The following DGCR8 variants were observed in gnomAD, a reference collection of about 807,000 sequenced individuals.
DGCR8 encodes microprocessor complex subunit DGCR8.
In DGCR8, 14 loss-of-function variants were observed where a neutral mutation model predicts 78.5. The ratio of observed to expected loss-of-function variants is 0.18; its 90% confidence interval spans 0.12 to 0.28. The LOEUF is 0.28. DGCR8 is among the 10% of genes least tolerant of loss of function. The probability of loss-of-function intolerance (pLI) is 1.00; values close to 1 mark genes in which losing one functional copy is unlikely to be tolerated. For synonymous variants in DGCR8, 399 were observed against 402.4 expected (o/e 0.99, Z 0.10); for missense variants, 702 against 1,022.5 (o/e 0.69, Z 4.28).
chr22:20,089,662 T>G lies in DGCR8; in HGVS notation c.881-7T>G. 1 of 1,613,828 alleles carries G rather than the reference T, an allele frequency of 6.2e-7. No individual in the cohort carries two copies. Among genetic ancestry groups the G allele is most frequent in the African/African-American group, 1.3e-5 (1 of 75,012 alleles). On this transcript the variant is annotated splice_polypyrimidine_tract_variant and splice_region_variant and intron_variant, in intron 3 of 13. Transcript: ENST00000351989. The surrounding 1 kb of genome is among the most constrained non-coding windows in gnomAD (Gnocchi z 4.9). ...TGATTATAGGATGTTCTTGTCTTCC[T>G]GTGCAGGTCGTGGCCGCCCACCTAC...
intron 9 of DGCR8, chr22:20,102,211 A>C: frequency 2.8e-6 from 1 of 361,736 alleles, no homozygotes; most frequent in South Asian, 1.1e-4. Flanking sequence ...ATTTCTGTAC[A>C]TTCCAACATT....
chr22:20,106,637 T>C lies in DGCR8; in HGVS notation c.1935T>C (p.Pro645=). 6.2e-7 allele frequency: 1 copy of C among 1,614,042 alleles called. No individual in the cohort carries two copies. The highest frequency in any genetic ancestry group is 8.5e-7 in the Non-Finnish European group (1 of 1,179,890). The part of the protein sequence containing the change: ...GDTSIKFEVV[P]GKNQKSEYVM... ...CGTCTATCAAGTTTGAAGTGGTTCC[T>C]GGGAAAAACCAGAAGAGTGAATACG... The change falls in exon 11 of 14, where the codon CCT becomes CCC. Residue 645 remains proline, a synonymous_variant. Coordinates refer to ENST00000351989, the MANE Select transcript of DGCR8 (RefSeq NM_022720.7).
At chr22:20,080,571 G>T (rs2049406015) in intron 1 of DGCR8, 188 bp downstream of exon 1, 2 of 822,038 alleles carry the variant, frequency 2.4e-6, no homozygotes, top group Non-Finnish European at 2.9e-6. Context: ...ACGCCTCCGG[G>T]GCTGGGGGGC....
At chr22:20,094,583 G>C in intron 8 of DGCR8, 130 bp from the exon 9 acceptor site, 1 of 785,898 alleles carries the variant, frequency 1.3e-6, no homozygotes. Context: ...CTGAAGTGCT[G>C]TCTCTCCTCA....
chr22:20,089,888 G>A lies in DGCR8; in HGVS notation c.1023+77G>A, dbSNP rs913087250. ...CGTGCACATCCACACACATGGCACC[G>A]CAGCCAAGCAGAGGCCGGTGAAAGG... On this transcript the variant is annotated intron_variant, in intron 4 of 13. Transcript: ENST00000351989. The surrounding 1 kb of genome is among the most constrained non-coding windows in gnomAD (Gnocchi z 4.9). 33 of 1,590,772 alleles carry A rather than the reference G, an allele frequency of 2.1e-5. No homozygotes were observed. Among genetic ancestry groups the A allele is most frequent in the African/African-American group, 8.1e-5 (6 of 74,258 alleles).
Position 20,111,646 on chromosome 22 carries a change from G to T in DGCR8, c.*1538G>T. On this transcript the variant is annotated 3_prime_UTR_variant, in exon 14 of 14. Transcript: ENST00000351989. The stretch of plus-strand genomic sequence containing the variant: ...CCTAAAGGTTGGGGAGCCTCGCTGT[G>T]TCTTGCTGTTCCCAGGCACCACCAC... 1 of 301,360 alleles carries T rather than the reference G, an allele frequency of 3.3e-6. No homozygotes were observed. Among genetic ancestry groups the T allele is most frequent in the Non-Finnish European group, 6.0e-6 (1 of 166,266 alleles). 18.7% of individuals were successfully genotyped at this position (301,360 alleles called of 1,614,324 possible).
In DGCR8 at chr22:20,108,635, A is replaced by G. The variant is rs1602498754; in HGVS notation, c.2125-255A>G. The G allele has an allele frequency of 1.4e-5, 5 of 358,532 alleles. No homozygotes were observed. In the East Asian group the frequency reaches 1.9e-4, roughly 14 times the overall value. The allele number at this position is 358,532 out of a possible 1,614,324, so 22.2% of individuals were successfully genotyped here. On this transcript the variant is annotated intron_variant, in intron 12 of 13. Transcript: ENST00000351989. ...TACTCTGCCCATGGCAGGAGGCCAT[A>G]TAAGTGGCGTGGTGTGGGCAGAAAG...
At chr22:20,096,564 C>T in intron 9 of DGCR8, 1 of 801,970 alleles carries the variant, frequency 1.2e-6, no homozygotes, top group Non-Finnish European at 1.5e-6. Context: ...GCCTTTTAAA[C>T]TATATAAGTG....
chr22:20,084,532 C>G (rs2049456006), intron 1 of DGCR8, among the ~76,000 whole-genome samples: 1 of 152,210 alleles, frequency 6.6e-6, no homozygotes, highest in Admixed American at 6.5e-5. Flanking sequence ...GGGTGGCCTT[C>G]CTCCTGTGGG....
At position 20,086,039 on chromosome 22, in the gene DGCR8, C is replaced by A. The variant is rs1210371804; in HGVS notation, c.76C>A (p.Pro26Thr). ...GEAVMESRAR[P>T]FQALPREQSP... ...AGCGGTGATGGAGAGCCGAGCTCGC[C>A]CCTTCCAAGCGCTGCCCCGTGAGCA... The change falls in exon 2 of 14, where the codon CCC becomes ACC. Residue 26 changes from proline (P) to threonine (T), a missense_variant. Physicochemically the swap from Pro to Thr is conservative, Grantham distance 38. Around this residue, in one of 4 missense-constraint regions of DGCR8, gnomAD observed 356 missense variants for 448.9 expected, o/e 0.79. Coordinates refer to ENST00000351989, the MANE Select transcript of DGCR8 (RefSeq NM_022720.7). This position sits in a 1 kb window ranked among gnomAD's most constrained non-coding sequence, Gnocchi z 6.4. 2 of 1,613,806 alleles carry A rather than the reference C, an allele frequency of 1.2e-6. No homozygotes were observed. Among genetic ancestry groups the A allele is most frequent in the African/African-American group, 2.7e-5 (2 of 74,936 alleles).
At chr22:20,093,484 T>C (rs1191370868) in intron 8 of DGCR8, among the ~76,000 whole-genome samples, 2 of 152,182 alleles carry the variant, frequency 1.3e-5, no homozygotes, top group African/African-American at 2.4e-5. Context: ...CCTGCACATA[T>C]TCAGGGGTGT....
Position 20,111,706 on chromosome 22 carries a change from G to GCCCGC in DGCR8, c.*1601_*1602insGCCCC, listed in dbSNP as rs2049850452. 1.1e-4 allele frequency: 7 copies of GCCCGC among 63,032 alleles called. No homozygotes were observed. Among genetic ancestry groups the GCCCGC allele is most frequent in the Admixed American group, 2.0e-4 (1 of 5,080 alleles). The allele number at this position is 63,032 out of a possible 1,614,324, so 3.9% of individuals were successfully genotyped here. ...TGCCATACTCTTGTGGTCTCTGTGC[G>GCCCGC]CCCCCCCCCCCCCCCCACCCGTCTG... On this transcript the variant is annotated 3_prime_UTR_variant, in exon 14 of 14. Transcript: ENST00000351989.
chr22:20,101,472 G>A, intron 9 of DGCR8: 2 of 753,736 alleles, frequency 2.7e-6, no homozygotes, highest in Non-Finnish European at 3.2e-6. Flanking sequence ...CAGCTACTCG[G>A]GAGGCTGAGG....
chr22:20,086,973 C>T lies in DGCR8; in HGVS notation c.721-189C>T. 1 of 799,518 alleles carries T rather than the reference C, an allele frequency of 1.3e-6. No individual in the cohort carries two copies. Among genetic ancestry groups the T allele is most frequent in the South Asian group, 1.8e-5 (1 of 54,850 alleles). 49.5% of individuals were successfully genotyped at this position (799,518 alleles called of 1,614,324 possible). ...CTCCTTGGCAGTGTGTGCCCCTGGACCAGGTGTGTTGGTGTCAGCTGGTAG... is the reference window on the plus strand; with the variant it reads ...CTCCTTGGCAGTGTGTGCCCCTGGATCAGGTGTGTTGGTGTCAGCTGGTAG... On this transcript the variant is annotated intron_variant, in intron 2 of 13. Coordinates refer to ENST00000351989, the MANE Select transcript of DGCR8 (RefSeq NM_022720.7). The surrounding 1 kb of genome is among the most constrained non-coding windows in gnomAD (Gnocchi z 6.4).
chr22:20,095,048 T>TGCA (rs2049612268), intron 9 of DGCR8, among the ~76,000 whole-genome samples: 3 of 152,204 alleles, frequency 2.0e-5, no homozygotes, highest in African/African-American at 2.4e-5. Flanking sequence ...GTGTGCACCG[T>TGCA]AAATGTCGGG....
At chr22:20,091,339 T>C in intron 5 of DGCR8, 96 bp from the exon 6 acceptor site, 2 of 1,215,546 alleles carry the variant, frequency 1.6e-6, no homozygotes, top group Non-Finnish European at 2.4e-6. Context: ...GGAAATAGTG[T>C]CATGTGGCCT....
intron 1 of DGCR8, among the ~76,000 whole-genome samples, chr22:20,083,975 C>T (rs542777454): frequency 8.5e-5 from 13 of 152,142 alleles, no homozygotes; most frequent in South Asian, 4.1e-4. Flanking sequence ...TGGGAACATA[C>T]GGTGTGAAAT....
intron 9 of DGCR8, chr22:20,100,755 A>G (rs2049688670): frequency 2.0e-6 from 2 of 985,290 alleles, no homozygotes; most frequent in African/African-American, 1.7e-5. Flanking sequence ...GGGGTGGGGC[A>G]TGTGGTGGCT....
chr22:20,094,147 C>T (rs2049599347), intron 8 of DGCR8, among the ~76,000 whole-genome samples: 1 of 152,226 alleles, frequency 6.6e-6, no homozygotes, highest in South Asian at 2.1e-4. Flanking sequence ...CTCTTGGCTG[C>T]CCTATAGACA....
Sources: gnomAD v4.1 joint callset for allele counts (sites outside exome capture counted in the v4.1 genomes callset) on GRCh38, gnomAD v4.1.1 for gene constraint, gnomAD v4.1.1 regional missense constraint, Gnocchi (gnomAD v3.1) non-coding constraint, MANE v1.5 for transcripts, NCBI Gene and HGNC (gene_info 2026-07-23, HGNC 2026-07-21) for gene names.